Variants in DRC2 observed in about 807,000 individuals in gnomAD.
DRC2 encodes dynein regulatory complex subunit 2.
At chr12:48,919,052 C>T in the DRC2 span, 3 of 596,746 alleles carry the variant, frequency 5.0e-6, no homozygotes, top group African/African-American at 5.6e-5. Flanking sequence ...TGTTTCCTCC[C>T]CTCTTACATT....
chr12:48,921,405 A>G, the DRC2 span: 3 of 1,613,402 alleles, frequency 1.9e-6, no homozygotes, highest in Admixed American at 1.7e-5. Flanking sequence ...GTCCATACGT[A>G]TAGCCCATCC....
At chr12:48,918,045 C>T in the DRC2 span, 2 of 482,670 alleles carry the variant, frequency 4.1e-6, no homozygotes, top group South Asian at 5.9e-5. Flanking sequence ...AGCTCAGTGA[C>T]TGCCCCTCCT....
chr12:48,915,078 T>C, the DRC2 span, among the ~76,000 whole-genome samples: 1 of 150,602 alleles, frequency 6.6e-6, no homozygotes, highest in Non-Finnish European at 1.5e-5. Context: ...TAAATTTAAC[T>C]CCTCAAATTC....
chr12:48,904,298 A>C, the DRC2 span: 5 of 1,595,894 alleles, frequency 3.1e-6, no homozygotes, highest in South Asian at 4.5e-5. Flanking sequence ...GGGCCGAGGC[A>C]GACCGAGGCT....
the DRC2 span, among the ~76,000 whole-genome samples, chr12:48,920,291 A>G: frequency 6.7e-6 from 1 of 149,318 alleles, no homozygotes; most frequent in Non-Finnish European, 1.5e-5. Context: ...AAAATACAAA[A>G]TTAGCCAGGC....
chr12:48,911,961 T>A, the DRC2 span, among the ~76,000 whole-genome samples: 5 of 144,978 alleles, frequency 3.4e-5, no homozygotes, highest in South Asian at 2.3e-4. Context: ...ATAACTGATT[T>A]AAAAAAAAAA....
chr12:48,910,825 G>A, the DRC2 span, among the ~76,000 whole-genome samples: 3 of 151,930 alleles, frequency 2.0e-5, no homozygotes, highest in African/African-American at 7.3e-5. Context: ...CAGGCGGATC[G>A]CTTGAGCCTA....
chr12:48,915,689 C>T, the DRC2 span, among the ~76,000 whole-genome samples: 6 of 150,214 alleles, frequency 4.0e-5, no homozygotes, highest in South Asian at 2.1e-4. Flanking sequence ...TAGGGGCGGC[C>T]GGGCAGAGGG....
the DRC2 span, chr12:48,921,436 C>T: frequency 2.5e-6 from 4 of 1,605,862 alleles, no homozygotes; most frequent in South Asian, 1.1e-5. Flanking sequence ...CAACATCCAA[C>T]CACTTAAAAT....
chr12:48,913,565 T>A, the DRC2 span, among the ~76,000 whole-genome samples: 12 of 152,106 alleles, frequency 7.9e-5, no homozygotes, highest in African/African-American at 2.4e-4. Context: ...CAATCTCGGC[T>A]CACTGCAACC....
chr12:48,918,615 C>T, the DRC2 span: 3 of 1,538,258 alleles, frequency 2.0e-6, no homozygotes, highest in Admixed American at 5.2e-5. Flanking sequence ...CCAGGCAGCC[C>T]TTTTACCTGT....
the DRC2 span, among the ~76,000 whole-genome samples, chr12:48,910,562 TAA>T: frequency 1.3e-5 from 2 of 152,196 alleles, no homozygotes; most frequent in Non-Finnish European, 2.9e-5. Flanking sequence ...TTTTTGAAGG[TAA>T]TACACTCACA....
the DRC2 span, among the ~76,000 whole-genome samples, chr12:48,912,812 T>C: frequency 9.9e-5 from 15 of 152,218 alleles, no homozygotes; most frequent in African/African-American, 3.6e-4. Flanking sequence ...TTTTGGTCTT[T>C]TATAGTTTCT....
chr12:48,919,490 G>A, the DRC2 span, among the ~76,000 whole-genome samples: 3 of 151,580 alleles, frequency 2.0e-5, no homozygotes, highest in African/African-American at 4.9e-5. Context: ...GAGCCACTGC[G>A]TTGAGCTCCC....
At chr12:48,913,916 G>A in the DRC2 span, among the ~76,000 whole-genome samples, 2 of 145,452 alleles carry the variant, frequency 1.4e-5, no homozygotes, top group Non-Finnish European at 3.0e-5. Context: ...GTGAGCCACC[G>A]TGCCCAGTCT....
the DRC2 span, chr12:48,918,128 C>A: frequency 1.5e-6 from 1 of 681,866 alleles, no homozygotes; most frequent in Non-Finnish European, 2.5e-6. Flanking sequence ...TTTATATCAT[C>A]TGCCTGGTCT....
chr12:48,916,638 G>GGGAGAC, the DRC2 span, among the ~76,000 whole-genome samples: 2 of 128,762 alleles, frequency 1.6e-5, no homozygotes, highest in African/African-American at 5.5e-5. Flanking sequence ...CATGGGGAGA[G>GGGAGAC]GGAGAGGGAG....
the DRC2 span, chr12:48,917,225 A>G: frequency 1.4e-5 from 17 of 1,191,074 alleles, no homozygotes; most frequent in South Asian, 2.2e-4. Context: ...CCAAGGCAGG[A>G]GGATCACTTG....
the DRC2 span, chr12:48,918,842 T>C: frequency 2.7e-5 from 44 of 1,614,002 alleles, no homozygotes; most frequent in East Asian, 4.5e-5. Flanking sequence ...CAGAAGAACT[T>C]AGTCAGACTC....
Sources: allele counts gnomAD v4.1 joint callset (sites outside exome capture counted in the v4.1 genomes callset), GRCh38; gene constraint gnomAD v4.1.1; transcripts MANE v1.5; gene names NCBI Gene and HGNC (gene_info 2026-07-23, HGNC 2026-07-21).